CPT1A: variants seen among roughly 807,000 people sequenced by gnomAD.
The protein encoded by CPT1A is carnitine O-palmitoyltransferase 1, liver isoform.
Under a neutral mutation model 100.8 loss-of-function variants are expected in CPT1A, and 64 were observed. The ratio of observed to expected loss-of-function variants is 0.63; its 90% CI spans 0.52 to 0.78. The LOEUF (loss-of-function observed/expected upper bound fraction) is 0.78, where lower values mean the gene tolerates loss of function less well. CPT1A is among the 30% of genes least tolerant of loss of function. The pLI, the probability that CPT1A is intolerant of heterozygous loss-of-function variation, is 0.00. For synonymous variants in CPT1A, 363 were observed against 396.0 expected (o/e 0.92, Z 0.99); for missense variants, 802 against 1,034.1 (o/e 0.78, Z 3.08).
chr11:68,770,083 T>C (rs1399425079), intron 14 of CPT1A, among the ~76,000 whole-genome samples: 1 of 149,980 alleles, frequency 6.7e-6, no homozygotes, highest in Non-Finnish European at 1.5e-5. Flanking sequence ...CAGTGTGAAC[T>C]GGGAACATCC....
intron 1 of CPT1A, among the ~76,000 whole-genome samples, chr11:68,833,339 G>T (rs1856926307): frequency 6.6e-6 from 1 of 152,260 alleles, no homozygotes; most frequent in Admixed American, 6.5e-5. Flanking sequence ...TCTTCTCCAG[G>T]CAAGTGTGGG....
At chr11:68,838,418 A>C (rs144937887) in intron 1 of CPT1A, among the ~76,000 whole-genome samples, 3 of 151,940 alleles carry the variant, frequency 2.0e-5, no homozygotes, top group African/African-American at 7.3e-5. Flanking sequence ...AAATATTTGA[A>C]GCTAGCAAGC....
At chr11:68,831,775 A>G (rs1300332546) in intron 1 of CPT1A, among the ~76,000 whole-genome samples, 1 of 151,868 alleles carries the variant, frequency 6.6e-6, no homozygotes, top group African/African-American at 2.4e-5. Flanking sequence ...CTGGAATTAC[A>G]GGCACGCACC....
intron 10 of CPT1A, among the ~76,000 whole-genome samples, chr11:68,782,795 G>T (rs1308289356): frequency 1.3e-5 from 2 of 152,186 alleles, no homozygotes; most frequent in African/African-American, 4.8e-5. Flanking sequence ...CTAGAAACAC[G>T]CTAGGCCTCA....
At chr11:68,795,954 G>T (rs919507296) in intron 7 of CPT1A, among the ~76,000 whole-genome samples, 8 of 151,240 alleles carry the variant, frequency 5.3e-5, no homozygotes, top group Admixed American at 3.3e-4. Context: ...AAATAAACGA[G>T]GGAAAAAAAT....
chr11:68,806,331 C>G (rs1456824626), intron 4 of CPT1A, among the ~76,000 whole-genome samples: 1 of 152,098 alleles, frequency 6.6e-6, no homozygotes, highest in Non-Finnish European at 1.5e-5. Flanking sequence ...GCCCAGCCCC[C>G]ATAAAAACAT....
At position 68,815,319 on chromosome 11, in the gene CPT1A, C is replaced by T. The variant is rs749829187; in HGVS notation, c.141+15G>A. 6.2e-6 allele frequency: 10 copies of T among 1,611,586 alleles called. No homozygotes were observed. Among genetic ancestry groups the T allele is most frequent in the Non-Finnish European group, 8.5e-6 (10 of 1,178,984 alleles). On this transcript the variant is annotated intron_variant, in intron 2 of 18. Coordinates refer to ENST00000265641, the MANE Select transcript of CPT1A (RefSeq NM_001876.4). ...AAAAGGCATACTGTGTAGATTTCAA[C>T]AAATCTCAGAAAACCTTGAATCTGA... is the stretch of plus-strand genomic sequence containing the variant.
intron 1 of CPT1A, among the ~76,000 whole-genome samples, chr11:68,827,767 C>T (rs1358630360): frequency 6.6e-6 from 1 of 152,160 alleles, no homozygotes; most frequent in Non-Finnish European, 1.5e-5. Context: ...TCTACAAGTG[C>T]ATACAGTGCC....
chr11:68,760,181 A>G, intron 17 of CPT1A, 44 bp downstream of exon 17: 1 of 1,406,180 alleles, frequency 7.1e-7, no homozygotes. Flanking sequence ...TACCCATCCC[A>G]TCACCACGCC....
chr11:68,762,535 G>T lies in CPT1A; in HGVS notation c.1875+92C>A, dbSNP rs1594317509. 4.6e-6 allele frequency: 7 copies of T among 1,513,402 alleles called. No individual in the cohort carries two copies. In the East Asian group the frequency reaches 9.0e-5, roughly 20 times the overall value. 93.7% of individuals were successfully genotyped at this position (1,513,402 alleles called of 1,614,324 possible). A position where few individuals can be genotyped will look rare whatever the true frequency, so the allele number is the denominator to read the frequency against. On this transcript the variant is annotated intron_variant, in intron 15 of 18. Coordinates refer to ENST00000265641, the MANE Select transcript of CPT1A (RefSeq NM_001876.4). The stretch of plus-strand genomic sequence containing the variant: ...CCCCTAAAGAAGAAGGTACAGGAAT[G>T]ATGAGATCAGAGAAGCTGGAGTGAT...
intron 15 of CPT1A, 29 bp downstream of exon 15, chr11:68,762,598 G>T (rs554739477): frequency 1.9e-6 from 3 of 1,612,106 alleles, no homozygotes; most frequent in Admixed American, 1.7e-5. Context: ...TGACAAGCAC[G>T]TTGTGTCCTC....
chr11:68,810,230 G>A (rs913157862), intron 3 of CPT1A, among the ~76,000 whole-genome samples: 41 of 152,124 alleles, frequency 2.7e-4, no homozygotes, highest in Non-Finnish European at 1.2e-4. Flanking sequence ...TGAAAAGTAC[G>A]TAGGAACAGC....
chr11:68,817,376 A>G (rs1360316840), intron 1 of CPT1A, among the ~76,000 whole-genome samples: 1 of 152,182 alleles, frequency 6.6e-6, no homozygotes, highest in African/African-American at 2.4e-5. Context: ...ACCCGACTTC[A>G]GACATCTGTC....
intron 1 of CPT1A, among the ~76,000 whole-genome samples, chr11:68,816,159 T>TGTCCACGCAGGA (rs201940961): frequency 0.022 from 3,319 of 152,096 alleles, 132 homozygotes; most frequent in African/African-American, 0.076. Flanking sequence ...AGGCCCAGAG[T>TGTCCACGCAGGA]GTCCACGCAG....
intron 2 of CPT1A, among the ~76,000 whole-genome samples, chr11:68,814,726 G>A (rs1287549806): frequency 6.6e-6 from 1 of 150,842 alleles, no homozygotes; most frequent in African/African-American, 2.4e-5. Flanking sequence ...TCGCTCTGTT[G>A]CCCAGGCTGG....
In CPT1A at chr11:68,793,809, T is replaced by C. The variant is rs546803333; in HGVS notation, c.880-407A>G. Among the ~76,000 whole-genome samples the C allele has an allele frequency of 3.3e-5, 5 of 150,512 alleles. No homozygotes were observed. In the South Asian group the frequency reaches 1.1e-3, roughly 32 times the overall value. Reference sequence around the variant, plus strand: ...CAAGCAAGTTAAGACCACATGGAAATGCTGAATGTGTTTTCTGTGCGAATT... The same window carrying C: ...CAAGCAAGTTAAGACCACATGGAAACGCTGAATGTGTTTTCTGTGCGAATT... On this transcript the variant is annotated intron_variant, in intron 8 of 18. Coordinates refer to ENST00000265641, the MANE Select transcript of CPT1A (RefSeq NM_001876.4).
chr11:68,780,324 C>G (rs1855270117), intron 12 of CPT1A, among the ~76,000 whole-genome samples: 1 of 152,164 alleles, frequency 6.6e-6, no homozygotes, highest in African/African-American at 2.4e-5. Flanking sequence ...GCTCTGTCGC[C>G]CAGGCCGGAG....
At position 68,785,004 on chromosome 11, in the gene CPT1A, A is replaced by T; in HGVS notation, c.974T>A (p.Ile325Asn). 1 of 1,613,648 alleles carries T rather than the reference A, an allele frequency of 6.2e-7. No individual in the cohort carries two copies. Among genetic ancestry groups the T allele is most frequent in the Non-Finnish European group, 8.5e-7 (1 of 1,179,998 alleles). Residue 325 changes from isoleucine to asparagine, a missense_variant, in exon 10 of 19, where the codon ATC (isoleucine) becomes AAC (asparagine). This residue lies in a region of CPT1A where 627 missense variants were observed against 799.3 expected (regional missense o/e 0.78). Transcript: ENST00000265641. ...SRIPGEETDT[I>N]QHMRDSKHIV... is the part of the protein sequence containing the mutation. ...GTGCTTGCTGTCTCTCATGTGCTGG[A>T]TGGTGTCTGAGCCGGCCGCAGGTTG...
chr11:68,776,462 T>C (rs1244858699), intron 12 of CPT1A, among the ~76,000 whole-genome samples: 1 of 152,178 alleles, frequency 6.6e-6, no homozygotes, highest in Non-Finnish European at 1.5e-5. Context: ...AGACCACATA[T>C]TGTATGATTC....
Sources: allele counts gnomAD v4.1 joint callset (sites outside exome capture counted in the v4.1 genomes callset), GRCh38; gene constraint gnomAD v4.1.1; regional missense constraint gnomAD v4.1.1; transcripts MANE v1.5; gene names NCBI Gene and HGNC (gene_info 2026-07-23, HGNC 2026-07-21).